The following PPARGC1A variants were observed in gnomAD, a reference collection of about 807,000 sequenced individuals.
PPARGC1A encodes peroxisome proliferator-activated receptor gamma coactivator 1-alpha.
In PPARGC1A, 25 loss-of-function variants were observed where a neutral mutation model predicts 88.7. That is an observed-to-expected ratio of 0.28 (90% CI 0.21 to 0.39). PPARGC1A has a LOEUF of 0.39. Among genes scored for constraint, PPARGC1A ranks in the 10% least tolerant of loss-of-function variants. PPARGC1A has a pLI of 1.00. For missense variants in PPARGC1A, 880 were observed against 968.7 expected (o/e 0.91, Z 1.22); for synonymous variants, 363 against 355.6 (o/e 1.02, Z -0.24).
chr4:24,062,043 C>T, the PPARGC1A span, among the ~76,000 whole-genome samples: 2 of 152,198 alleles, frequency 1.3e-5, no homozygotes, highest in Non-Finnish European at 2.9e-5. Flanking sequence ...CATACCATGC[C>T]ACAAAACTTA....
chr4:24,090,180 A>C, the PPARGC1A span, among the ~76,000 whole-genome samples: 1 of 152,216 alleles, frequency 6.6e-6, no homozygotes, highest in South Asian at 2.1e-4. Context: ...ACAAAAATCC[A>C]AAAGTCACAT....
chr4:23,947,771 G>A, the PPARGC1A span, among the ~76,000 whole-genome samples: 5 of 152,032 alleles, frequency 3.3e-5, no homozygotes, highest in Admixed American at 3.3e-4. Context: ...TAGGCATGTG[G>A]CCACCTGTTA....
At chr4:24,450,432 AG>A in the PPARGC1A span, among the ~76,000 whole-genome samples, 1 of 152,246 alleles carries the variant, frequency 6.6e-6, no homozygotes. Flanking sequence ...GCAAGACACA[AG>A]ACCTTCGCCA....
the PPARGC1A span, among the ~76,000 whole-genome samples, chr4:24,167,963 C>T: frequency 6.6e-6 from 1 of 152,038 alleles, no homozygotes; most frequent in Non-Finnish European, 1.5e-5. Flanking sequence ...CACCATGTTG[C>T]CCAAGCTGGT....
At chr4:23,976,182 G>A in the PPARGC1A span, among the ~76,000 whole-genome samples, 1 of 152,162 alleles carries the variant, frequency 6.6e-6, no homozygotes. Context: ...CTATAATGTG[G>A]GGCAGGAAAG....
the PPARGC1A span, among the ~76,000 whole-genome samples, chr4:24,174,954 G>C: frequency 6.6e-6 from 1 of 152,174 alleles, no homozygotes; most frequent in South Asian, 2.1e-4. Flanking sequence ...CCCTAAGAAT[G>C]CTGTTGCAAA....
the PPARGC1A span, among the ~76,000 whole-genome samples, chr4:24,417,997 G>A: frequency 3.3e-5 from 5 of 151,400 alleles, no homozygotes; most frequent in African/African-American, 9.7e-5. Context: ...TTTTCTGTAA[G>A]AATATTTATT....
the PPARGC1A span, among the ~76,000 whole-genome samples, chr4:24,425,794 C>T: frequency 1.3e-5 from 2 of 152,192 alleles, no homozygotes; most frequent in Non-Finnish European, 1.5e-5. Context: ...GGAGAGAATT[C>T]ACATCTAGGA....
chr4:24,192,554 CA>C, the PPARGC1A span, among the ~76,000 whole-genome samples: 1 of 152,066 alleles, frequency 6.6e-6, no homozygotes, highest in Non-Finnish European at 1.5e-5. Context: ...AAATCTTCCC[CA>C]AAAGGACAGC....
the PPARGC1A span, among the ~76,000 whole-genome samples, chr4:24,316,958 G>T: frequency 6.6e-6 from 1 of 152,108 alleles, no homozygotes; most frequent in Non-Finnish European, 1.5e-5. Context: ...AGGTGGAGGG[G>T]AGAGGAAATT....
At chr4:24,122,438 G>T in the PPARGC1A span, among the ~76,000 whole-genome samples, 12,662 of 112,832 alleles carry the variant, frequency 0.11, 530 homozygotes, top group East Asian at 0.15. Context: ...TATATATATA[G>T]AGAGAGAGAG....
rs113141316 is a variant in PPARGC1A at position 23,872,950 on chromosome 4, G to C, written c.234+11802C>G. 2.0e-3 allele frequency among the ~76,000 whole-genome samples: 297 copies of C among 152,164 alleles called. 3 individuals carry two copies. Among genetic ancestry groups the C allele is most frequent in the African/African-American group, 6.8e-3 (281 of 41,546 alleles). ...CTCACACCTGTAATCCCGCACTTCG[G>C]GAGGCCGAGGTGGGCGGATCACGAG... On this transcript the variant is annotated intron_variant, in intron 2 of 12. Transcript: ENST00000264867.
chr4:24,221,793 A>G, the PPARGC1A span, among the ~76,000 whole-genome samples: 1 of 125,700 alleles, frequency 8.0e-6, no homozygotes, highest in Non-Finnish European at 1.7e-5. Context: ...TAAAATTTTC[A>G]AAAGCTTGAC....
chr4:24,351,992 C>T, the PPARGC1A span, among the ~76,000 whole-genome samples: 54,504 of 151,768 alleles, frequency 0.36, 10,112 homozygotes, highest in Non-Finnish European at 0.4. Context: ...GGGGTCACTG[C>T]AAAAGCCTCA....
the PPARGC1A span, among the ~76,000 whole-genome samples, chr4:24,248,248 C>G: frequency 1.3e-5 from 2 of 152,112 alleles, no homozygotes; most frequent in Admixed American, 6.5e-5. Flanking sequence ...CCTCAGCCTC[C>G]GAAGTAGCTG....
At chr4:24,013,164 C>T in the PPARGC1A span, among the ~76,000 whole-genome samples, 2 of 152,122 alleles carry the variant, frequency 1.3e-5, no homozygotes, top group Admixed American at 6.6e-5. Context: ...TGGCTCCTAC[C>T]TTGGCAGCAC....
At chr4:24,210,303 G>A in the PPARGC1A span, among the ~76,000 whole-genome samples, 10 of 152,156 alleles carry the variant, frequency 6.6e-5, no homozygotes, top group South Asian at 2.1e-4. Context: ...TTCTTAAATA[G>A]AGATCATACC....
the PPARGC1A span, among the ~76,000 whole-genome samples, chr4:24,352,509 CCCA>C: frequency 1.4e-4 from 22 of 152,282 alleles, no homozygotes; most frequent in African/African-American, 5.3e-4. Context: ...CCAGTTCATC[CCCA>C]CATCTCAGGG....
the PPARGC1A span, among the ~76,000 whole-genome samples, chr4:24,080,540 T>C: frequency 6.6e-6 from 1 of 152,216 alleles, no homozygotes; most frequent in East Asian, 1.9e-4. Context: ...AACCAGGTAT[T>C]AGTAGGCTGT....
Sources: allele counts gnomAD v4.1 joint callset (sites outside exome capture counted in the v4.1 genomes callset), GRCh38; gene constraint gnomAD v4.1.1; transcripts MANE v1.5; gene names NCBI Gene and HGNC (gene_info 2026-07-23, HGNC 2026-07-21).